SUGCT: variants seen among roughly 807,000 people sequenced by gnomAD.
SUGCT encodes the protein succinyl-CoA:glutarate-CoA transferase.
SUGCT carries 41 observed loss-of-function variants against 55.0 expected under a neutral mutation model. The observed-to-expected ratio is 0.74, with a 90% CI of 0.58 to 0.97. The LOEUF (loss-of-function observed/expected upper bound fraction) is 0.97. SUGCT is among the 50% of genes least tolerant of loss of function. The pLI is 0.00. For synonymous variants in SUGCT, 187 were observed against 200.4 expected (o/e 0.93, Z 0.56); for missense variants, 568 against 547.8 (o/e 1.04, Z -0.37).
intron 1 of SUGCT, among the ~76,000 whole-genome samples, chr7:40,140,779 A>G (rs1246788467): frequency 3.3e-5 from 5 of 152,178 alleles, no homozygotes; most frequent in African/African-American, 1.2e-4. Flanking sequence ...TGAAGTCAGA[A>G]AATGTGATAA....
chr7:40,546,653 G>C (rs1795005986), intron 12 of SUGCT: 1 of 152,136 alleles, frequency 6.6e-6, no homozygotes, highest in African/African-American at 2.4e-5. Context: ...GAAGATTTAT[G>C]ATCTATCAAA....
At chr7:40,646,039 C>T (rs1800489594) in intron 12 of SUGCT, among the ~76,000 whole-genome samples, 1 of 152,166 alleles carries the variant, frequency 6.6e-6, no homozygotes, top group Non-Finnish European at 1.5e-5. Flanking sequence ...TCACCACTAC[C>T]AGATACCCCC....
At chr7:40,372,536 T>C (rs543459208) in intron 9 of SUGCT, among the ~76,000 whole-genome samples, 69 of 152,188 alleles carry the variant, frequency 4.5e-4, no homozygotes, top group African/African-American at 1.5e-3. Flanking sequence ...ATATCTTCTG[T>C]AGTTTTGCCT....
intron 9 of SUGCT, among the ~76,000 whole-genome samples, chr7:40,403,570 A>G (rs552029826): frequency 6.6e-6 from 1 of 152,320 alleles, no homozygotes; most frequent in Admixed American, 6.5e-5. Context: ...AAGTTACAAC[A>G]GACATAAAAT....
intron 12 of SUGCT, among the ~76,000 whole-genome samples, chr7:40,572,751 G>C (rs1284338577): frequency 1.3e-5 from 2 of 152,114 alleles, no homozygotes; most frequent in Non-Finnish European, 2.9e-5. Flanking sequence ...GGTCGCTGCT[G>C]GCTTTCAATT....
At chr7:41,024,409 A>C in the SUGCT span, among the ~76,000 whole-genome samples, 1 of 152,204 alleles carries the variant, frequency 6.6e-6, no homozygotes, top group Non-Finnish European at 1.5e-5. Context: ...GTGAAAAAGC[A>C]AGCCACAGAC....
intron 9 of SUGCT, among the ~76,000 whole-genome samples, chr7:40,318,618 G>T (rs527557852): frequency 1.5e-4 from 23 of 152,256 alleles, no homozygotes; most frequent in Middle Eastern, 3.4e-3. Flanking sequence ...TGTATTTTTA[G>T]TAGAGACAGG....
intron 9 of SUGCT, among the ~76,000 whole-genome samples, chr7:40,433,706 G>A (rs1217510999): frequency 1.3e-5 from 2 of 152,182 alleles, no homozygotes; most frequent in Non-Finnish European, 1.5e-5. Flanking sequence ...TCTTTAAGGT[G>A]TTTGGGGTGG....
the SUGCT span, among the ~76,000 whole-genome samples, chr7:40,987,689 G>A: frequency 6.6e-6 from 1 of 152,160 alleles, no homozygotes; most frequent in Admixed American, 6.6e-5. Context: ...ATCCAACCAT[G>A]AGCCAAATGA....
intron 13 of SUGCT, among the ~76,000 whole-genome samples, chr7:40,824,525 A>G (rs929335657): frequency 6.6e-6 from 1 of 152,300 alleles, no homozygotes; most frequent in East Asian, 1.9e-4. Flanking sequence ...ATGATATAAT[A>G]TGGTATGCAT....
intron 9 of SUGCT, chr7:40,388,285 T>C (rs1320507265): frequency 6.6e-6 from 1 of 152,178 alleles, no homozygotes; most frequent in Non-Finnish European, 1.5e-5. Context: ...TACTGGGCAC[T>C]TTTGTAATAG....
At chr7:40,707,889 T>G (rs893988030) in intron 12 of SUGCT, among the ~76,000 whole-genome samples, 2 of 152,254 alleles carry the variant, frequency 1.3e-5, no homozygotes, top group African/African-American at 4.8e-5. Flanking sequence ...TGGAAATATC[T>G]TTTTCTGTGC....
At chr7:40,475,988 G>A (rs1021645404) in intron 11 of SUGCT, among the ~76,000 whole-genome samples, 1 of 152,080 alleles carries the variant, frequency 6.6e-6, no homozygotes, top group South Asian at 2.1e-4. Flanking sequence ...GGTATAGCAG[G>A]GGGGTGGGAT....
the SUGCT span, among the ~76,000 whole-genome samples, chr7:40,985,313 A>T: frequency 2.0e-5 from 3 of 152,140 alleles, no homozygotes; most frequent in Admixed American, 2.0e-4. Context: ...GGGGCTTGGG[A>T]TTGTATCAGC....
Position 40,860,723 on chromosome 7 carries a change from G to A in SUGCT, c.*244G>A. Reference sequence around the variant, plus strand: ...ATGATGATTTCATTATGGATTTGTGGGATTTTTAAAAATAAAGTTTTAATT... The same window carrying A: ...ATGATGATTTCATTATGGATTTGTGAGATTTTTAAAAATAAAGTTTTAATT... On this transcript the variant is annotated 3_prime_UTR_variant, in exon 14 of 14. Coordinates refer to ENST00000335693, the MANE Select transcript of SUGCT (RefSeq NM_001193313.2). 1 of 354,476 alleles carries A rather than the reference G, an allele frequency of 2.8e-6. No individual in the cohort carries two copies. Among genetic ancestry groups the A allele is most frequent in the East Asian group, 4.7e-5 (1 of 21,228 alleles). The allele number at this position is 354,476 out of a possible 1,614,324, so 22.0% of individuals were successfully genotyped here.
chr7:40,417,267 C>G (rs1001882273), intron 9 of SUGCT, among the ~76,000 whole-genome samples: 6 of 151,734 alleles, frequency 4.0e-5, no homozygotes, highest in African/African-American at 1.5e-4. Context: ...TATTTTGTAT[C>G]TTACCTTTAA....
chr7:40,442,601 A>C (rs1001662649), intron 9 of SUGCT, among the ~76,000 whole-genome samples: 1 of 151,980 alleles, frequency 6.6e-6, no homozygotes, highest in African/African-American at 2.4e-5. Flanking sequence ...TTACTAGAAA[A>C]GTTGTTGATG....
Position 40,350,934 on chromosome 7 carries a change from A to G in SUGCT, c.816+34079A>G, listed in dbSNP as rs559025031. ...TAGTTTGCGGAGAATGATGGGTTCC[A>G]GTTTCATCCATGTCCCAGCAAAGGA... is the stretch of plus-strand genomic sequence containing the variant. On this transcript the variant is annotated intron_variant, in intron 9 of 13. Coordinates refer to ENST00000335693, the MANE Select transcript of SUGCT (RefSeq NM_001193313.2). Among the ~76,000 whole-genome samples, 69 of 152,162 alleles carry G rather than the reference A, an allele frequency of 4.5e-4. 1 individual carries two copies. In the South Asian group the frequency reaches 0.014, roughly 31 times the overall value.
chr7:40,598,688 T>A (rs1245119406), intron 12 of SUGCT, among the ~76,000 whole-genome samples: 2 of 152,112 alleles, frequency 1.3e-5, no homozygotes, highest in Non-Finnish European at 2.9e-5. Context: ...ATGCATGGGA[T>A]GTGAGCCATA....
Sources: allele counts gnomAD v4.1 joint callset (sites outside exome capture counted in the v4.1 genomes callset), GRCh38; gene constraint gnomAD v4.1.1; transcripts MANE v1.5; gene names NCBI Gene and HGNC (gene_info 2026-07-23, HGNC 2026-07-21).